NAT1: variants seen among roughly 807,000 people sequenced by gnomAD.
The protein encoded by NAT1 is arylamine N-acetyltransferase 1.
For synonymous variants in NAT1, 144 were observed against 122.6 expected, an observed-to-expected ratio of 1.17 and a Z score of -1.16; for missense variants, 400 against 339.2, an observed-to-expected ratio of 1.18 and a Z score of -1.41.
chr8:18,182,524 A>T (rs968267434), intron 2 of NAT1, among the ~76,000 whole-genome samples: 2 of 152,184 alleles, frequency 1.3e-5, no homozygotes, highest in Admixed American at 6.5e-5. Context: ...CTTCGTTTTT[A>T]AAAAGAAACT....
chr8:18,213,791 T>C (rs1363351646), intron 1 of NAT1, among the ~76,000 whole-genome samples: 2 of 152,092 alleles, frequency 1.3e-5, no homozygotes, highest in Admixed American at 6.6e-5. Context: ...TTCTTGATCT[T>C]CAGATCAAAT....
chr8:18,191,119 A>G (rs945170989), intron 2 of NAT1, among the ~76,000 whole-genome samples: 3 of 152,320 alleles, frequency 2.0e-5, no homozygotes, highest in Middle Eastern at 6.8e-3. Context: ...GATACCCTGT[A>G]TAATAATACA....
At position 18,223,415 on chromosome 8, in the gene NAT1, C is replaced by T. The variant is rs528325924; in HGVS notation, c.*495C>T. On this transcript the variant is annotated 3_prime_UTR_variant, in exon 3 of 3. Coordinates refer to ENST00000307719, the MANE Select transcript of NAT1 (RefSeq NM_000662.8). ...CTCATCTTTCTTGTCTCTTAAATTA[C>T]TTTACTTCCTTGCACACTTTGCCAT... The T allele has an allele frequency of 6.0e-6, 1 of 166,982 alleles. No homozygotes were observed. Among genetic ancestry groups the T allele is most frequent in the African/African-American group, 2.4e-5 (1 of 41,442 alleles). The allele number at this position is 166,982 out of a possible 1,614,324, so 10.3% of individuals were successfully genotyped here.
chr8:18,209,432 A>G (rs1357845286), upstream of NAT1, among the ~76,000 whole-genome samples: 2 of 152,276 alleles, frequency 1.3e-5, no homozygotes, highest in Non-Finnish European at 2.9e-5. Context: ...AGAACACCAC[A>G]TTGTACCCTG....
intron 2 of NAT1, among the ~76,000 whole-genome samples, chr8:18,179,722 A>AT (rs1802433958): frequency 9.1e-6 from 1 of 109,652 alleles, no homozygotes; most frequent in Non-Finnish European, 2.1e-5. Flanking sequence ...TTAGTCAATC[A>AT]TAGTACTAGG....
At chr8:18,177,646 C>T (rs1286742323) in intron 2 of NAT1, among the ~76,000 whole-genome samples, 1 of 152,082 alleles carries the variant, frequency 6.6e-6, no homozygotes, top group African/African-American at 2.4e-5. Context: ...GGAGGAAAGA[C>T]ATTCGTATCC....
chr8:18,173,385 G>A (rs542259123), intron 2 of NAT1, among the ~76,000 whole-genome samples: 1 of 152,138 alleles, frequency 6.6e-6, no homozygotes, highest in South Asian at 2.1e-4. Context: ...CTCATGGAAT[G>A]AATGTTCTTT....
chr8:18,182,440 T>C (rs1802557967), intron 2 of NAT1, among the ~76,000 whole-genome samples: 1 of 152,246 alleles, frequency 6.6e-6, no homozygotes. Context: ...GGAAGCTTTA[T>C]TGTTTTACCT....
At chr8:18,194,451 G>A (rs985128464) in intron 2 of NAT1, among the ~76,000 whole-genome samples, 2 of 152,154 alleles carry the variant, frequency 1.3e-5, no homozygotes, top group African/African-American at 4.8e-5. Context: ...CACTTGTGAT[G>A]GTGGAGGTCT....
intron 2 of NAT1, among the ~76,000 whole-genome samples, chr8:18,193,825 G>A (rs1589075889): frequency 6.6e-6 from 1 of 151,638 alleles, no homozygotes; most frequent in Admixed American, 6.6e-5. Flanking sequence ...ATTTTTAGTA[G>A]AGACAGGGTT....
chr8:18,197,180 C>T (rs1426771270), intron 2 of NAT1, among the ~76,000 whole-genome samples: 1 of 152,198 alleles, frequency 6.6e-6, no homozygotes, highest in African/African-American at 2.4e-5. Context: ...ATCCAATCAC[C>T]TCCTACCTGG....
intron 2 of NAT1, among the ~76,000 whole-genome samples, chr8:18,182,089 G>A (rs1025088085): frequency 2.2e-4 from 34 of 152,164 alleles, no homozygotes; most frequent in Non-Finnish European, 1.5e-4. Flanking sequence ...TTTTGGCAAT[G>A]AGTGATTATC....
upstream of NAT1, among the ~76,000 whole-genome samples, chr8:18,207,234 G>T (rs959241264): frequency 6.6e-6 from 1 of 152,100 alleles, no homozygotes; most frequent in African/African-American, 2.4e-5. Context: ...TGGTCTATGT[G>T]TCCGTTTTTG....
At chr8:18,207,833 C>G (rs1384323102), upstream of NAT1, among the ~76,000 whole-genome samples, 3 of 152,142 alleles carry the variant, frequency 2.0e-5, no homozygotes, top group Non-Finnish European at 4.4e-5. Flanking sequence ...CATTGAAGCA[C>G]TATTCACAAT....
intron 1 of NAT1, chr8:18,216,891 G>T (rs1804730410): frequency 6.5e-7 from 1 of 1,549,390 alleles, no homozygotes; most frequent in Admixed American, 2.0e-5. Context: ...GTACAGAAGG[G>T]CCATGCTGTT....
chr8:18,187,748 T>C (rs774630701), intron 2 of NAT1, among the ~76,000 whole-genome samples: 1 of 152,010 alleles, frequency 6.6e-6, no homozygotes, highest in African/African-American at 2.4e-5. Context: ...AAAATACCTG[T>C]AGGGTACTAT....
chr8:18,178,983 C>T (rs547220710), intron 2 of NAT1, among the ~76,000 whole-genome samples: 4 of 152,248 alleles, frequency 2.6e-5, no homozygotes, highest in Admixed American at 2.0e-4. Flanking sequence ...AATACCTTTC[C>T]TCAACAGTTT....
At chr8:18,194,629 G>C (rs1417353202) in intron 2 of NAT1, among the ~76,000 whole-genome samples, 1 of 151,936 alleles carries the variant, frequency 6.6e-6, no homozygotes, top group African/African-American at 2.4e-5. Flanking sequence ...AGACCAGCCT[G>C]GCCAACATGG....
Position 18,180,303 on chromosome 8 carries a change from G to A in NAT1, n.92+9564G>A, listed in dbSNP as rs1312963828. On this transcript the variant is annotated intron_variant and non_coding_transcript_variant, in intron 2 of 4. Coordinates refer to the NAT1 transcript ENST00000517441. ...TGAAGGGAAAATGAATTTTGTCAAG[G>A]GGGATGCTATTTGACTAGGGTCTGA... 2.0e-5 allele frequency among the ~76,000 whole-genome samples: 3 copies of A among 152,232 alleles called. No individual in the cohort carries two copies. In the East Asian group the frequency reaches 5.8e-4, roughly 29 times the overall value.
Sources: gnomAD v4.1 joint callset for allele counts (sites outside exome capture counted in the v4.1 genomes callset) on GRCh38, gnomAD v4.1.1 for gene constraint, MANE v1.5 for transcripts, NCBI Gene and HGNC (gene_info 2026-07-23, HGNC 2026-07-21) for gene names.